Variants in ATOSA observed in about 807,000 individuals in gnomAD.
The protein encoded by ATOSA is atos homolog A, also known as atos homolog protein A.
chr15:52,605,113 A>G, the ATOSA span: 372 of 1,532,804 alleles, frequency 2.4e-4, 3 homozygotes, highest in African/African-American at 2.9e-3. Context: ...TAAGCATGAG[A>G]TAAGAAAAAA....
the ATOSA span, among the ~76,000 whole-genome samples, chr15:52,688,162 T>C: frequency 6.6e-6 from 1 of 152,262 alleles, no homozygotes; most frequent in Non-Finnish European, 1.5e-5. Context: ...GCATCATTGT[T>C]CTAGCAATGG....
At chr15:52,670,701 CA>C in the ATOSA span, among the ~76,000 whole-genome samples, 1 of 152,128 alleles carries the variant, frequency 6.6e-6, no homozygotes, top group Non-Finnish European at 1.5e-5. Context: ...TGAATAGCAC[CA>C]ACTAAGATGC....
the ATOSA span, among the ~76,000 whole-genome samples, chr15:52,640,004 G>A: frequency 5.9e-5 from 9 of 151,534 alleles, no homozygotes; most frequent in South Asian, 8.4e-4. Context: ...GTGATCCGCC[G>A]GCCTCAGCTT....
chr15:52,610,113 C>G, the ATOSA span: 1 of 1,614,044 alleles, frequency 6.2e-7, no homozygotes, highest in South Asian at 1.1e-5. Flanking sequence ...GTTTGCTACA[C>G]AGACGCTGTG....
the ATOSA span, among the ~76,000 whole-genome samples, chr15:52,592,391 T>C: frequency 6.6e-6 from 1 of 152,202 alleles, no homozygotes; most frequent in African/African-American, 2.4e-5. Flanking sequence ...CAGACCTGCA[T>C]GGCTAGCTAC....
chr15:52,683,113 G>A, the ATOSA span, among the ~76,000 whole-genome samples: 1 of 152,126 alleles, frequency 6.6e-6, no homozygotes, highest in Non-Finnish European at 1.5e-5. Flanking sequence ...TGACAATTTT[G>A]CTGAGCTGCT....
At chr15:52,690,720 T>C in the ATOSA span, among the ~76,000 whole-genome samples, 1 of 152,216 alleles carries the variant, frequency 6.6e-6, no homozygotes, top group Non-Finnish European at 1.5e-5. Context: ...GCAACAGTGG[T>C]AATGTGCCAC....
At chr15:52,694,393 T>C in the ATOSA span, among the ~76,000 whole-genome samples, 1 of 152,150 alleles carries the variant, frequency 6.6e-6, no homozygotes, top group Non-Finnish European at 1.5e-5. Flanking sequence ...CTCGAACTCC[T>C]GACCTCAGGT....
At chr15:52,608,797 T>C in the ATOSA span, 3 of 1,603,404 alleles carry the variant, frequency 1.9e-6, no homozygotes, top group Non-Finnish European at 2.5e-6. Flanking sequence ...TTTTGAGTCT[T>C]TATTTGAGGA....
chr15:52,643,408 C>T, the ATOSA span, among the ~76,000 whole-genome samples: 1 of 151,992 alleles, frequency 6.6e-6, no homozygotes, highest in Non-Finnish European at 1.5e-5. Flanking sequence ...CCTCCCGCCT[C>T]AGCCTCCTGA....
At chr15:52,707,125 C>T in the ATOSA span, among the ~76,000 whole-genome samples, 1 of 152,126 alleles carries the variant, frequency 6.6e-6, no homozygotes, top group African/African-American at 2.4e-5. Flanking sequence ...GTAGAGGCAG[C>T]GGTGATATAA....
the ATOSA span, among the ~76,000 whole-genome samples, chr15:52,699,272 C>T: frequency 4.6e-5 from 7 of 152,076 alleles, no homozygotes; most frequent in East Asian, 9.7e-4. Context: ...CAGTTGGGAC[C>T]GAAGAACATT....
the ATOSA span, among the ~76,000 whole-genome samples, chr15:52,661,818 T>A: frequency 6.6e-6 from 1 of 151,918 alleles, no homozygotes; most frequent in African/African-American, 2.4e-5. Flanking sequence ...CATAGGTATG[T>A]TCTTTACTTC....
At chr15:52,602,980 A>C in the ATOSA span, among the ~76,000 whole-genome samples, 1 of 152,202 alleles carries the variant, frequency 6.6e-6, no homozygotes, top group Admixed American at 6.5e-5. Context: ...TACTTCTTCC[A>C]GAATCTCTGT....
At chr15:52,660,754 C>T in the ATOSA span, among the ~76,000 whole-genome samples, 1 of 152,146 alleles carries the variant, frequency 6.6e-6, no homozygotes, top group African/African-American at 2.4e-5. Context: ...CGGGTTCAAG[C>T]AATTCTCCTG....
chr15:52,655,367 C>T, the ATOSA span, among the ~76,000 whole-genome samples: 1 of 152,090 alleles, frequency 6.6e-6, no homozygotes, highest in Non-Finnish European at 1.5e-5. Context: ...GATTTGACTG[C>T]AAACAGATAG....
the ATOSA span, among the ~76,000 whole-genome samples, chr15:52,642,069 T>C: frequency 6.6e-6 from 1 of 152,202 alleles, no homozygotes; most frequent in Non-Finnish European, 1.5e-5. Context: ...CAAGCAATTA[T>C]TTATTTTGTG....
chr15:52,582,149 C>A, the ATOSA span: 1 of 1,566,266 alleles, frequency 6.4e-7, no homozygotes, highest in Admixed American at 2.2e-5. Context: ...AATCATCACT[C>A]CTTATCAACA....
At chr15:52,680,423 C>G in the ATOSA span, among the ~76,000 whole-genome samples, 1 of 151,902 alleles carries the variant, frequency 6.6e-6, no homozygotes, top group African/African-American at 2.4e-5. Context: ...AGTATTAGGA[C>G]AAGTCTAAGG....
Sources: gnomAD v4.1 joint callset for allele counts (sites outside exome capture counted in the v4.1 genomes callset) on GRCh38, gnomAD v4.1.1 for gene constraint, MANE v1.5 for transcripts, NCBI Gene and HGNC (gene_info 2026-07-23, HGNC 2026-07-21) for gene names.